PDS5B: variants seen among roughly 807,000 people sequenced by gnomAD.
PDS5B encodes the protein sister chromatid cohesion protein PDS5 homolog B.
A neutral mutation model predicts 184.1 loss-of-function variants in PDS5B; 51 were observed. The observed-to-expected ratio is 0.28, with a 90% CI of 0.22 to 0.35. The LOEUF (loss-of-function observed/expected upper bound fraction) is 0.35, where lower values mean the gene tolerates loss of function less well. Ranked by LOEUF, PDS5B falls within the 10% of genes least tolerant of loss-of-function variation. The pLI, the probability that PDS5B is intolerant of heterozygous loss-of-function variation, is 1.00. For missense variants in PDS5B, 1,180 were observed against 1,723.3 expected, an observed-to-expected ratio of 0.68 and a Z score of 5.58; for synonymous variants, 566 against 569.2, an observed-to-expected ratio of 0.99 and a Z score of 0.08.
Position 32,775,737 on chromosome 13 carries a change from C to G in PDS5B, c.*685C>G. The G allele has an allele frequency of 2.4e-6, 1 of 423,814 alleles. No individual in the cohort carries two copies. The highest frequency in any genetic ancestry group is 7.4e-5 in the East Asian group (1 of 13,482). The allele number at this position is 423,814 out of a possible 1,614,324, so 26.3% of individuals were successfully genotyped here. A position where few individuals can be genotyped will look rare whatever the true frequency, so the allele number is the denominator to read the frequency against. ...TTTACACCTCAGTATTGATTTGTCC[C>G]AGAATTTTCTGGCCTTTCATGGCAA... On this transcript the variant is annotated 3_prime_UTR_variant, in exon 35 of 35. Coordinates refer to ENST00000315596, the MANE Select transcript of PDS5B (RefSeq NM_015032.4).
At chr13:32,698,910 G>T (rs80335320) in intron 15 of PDS5B, among the ~76,000 whole-genome samples, 11,311 of 152,020 alleles carry the variant, frequency 0.074, 516 homozygotes, top group East Asian at 0.19. Context: ...CTGCCACCAC[G>T]CCAGGCTAAT....
rs748682438 is a variant in PDS5B, at chr13:32,688,488, T to C, written c.1388T>C (p.Met463Thr). The C allele has an allele frequency of 6.2e-7, 1 of 1,606,732 alleles. No homozygotes were observed. Among genetic ancestry groups the C allele is most frequent in the Non-Finnish European group, 8.5e-7 (1 of 1,174,432 alleles). Reference protein sequence around the residue: ...LLVERIFAQYMVPHNLETTER... With the variant: ...LLVERIFAQYTVPHNLETTER... ...GTTGAACGGATCTTTGCTCAATACA[T>C]GGTTCCTCACAATTTAGAAACTACA... is the stretch of plus-strand genomic sequence containing the variant. Residue 463 changes from methionine to threonine, a missense_variant, in exon 13 of 35, where the codon ATG becomes ACG. Coordinates refer to ENST00000315596, the MANE Select transcript of PDS5B (RefSeq NM_015032.4).
At chr13:32,654,757 C>G (rs1425474897) in intron 3 of PDS5B, among the ~76,000 whole-genome samples, 1 of 152,106 alleles carries the variant, frequency 6.6e-6, no homozygotes, top group Non-Finnish European at 1.5e-5. Flanking sequence ...ATGTTTAGCT[C>G]CTGGTGATAA....
chr13:32,708,660 T>G (rs1952107116), intron 18 of PDS5B, among the ~76,000 whole-genome samples: 2 of 152,202 alleles, frequency 1.3e-5, no homozygotes, highest in Admixed American at 1.3e-4. Flanking sequence ...GCGAATCTGA[T>G]AAGCAAAAAT....
chr13:32,699,987 T>TG, intron 16 of PDS5B, 118 bp downstream of exon 16: 1 of 946,086 alleles, frequency 1.1e-6, no homozygotes, highest in African/African-American at 1.7e-5. Context: ...CACATAAAAA[T>TG]GCAGATAAAC....
rs2058607106 is a variant in PDS5B, at chr13:32,638,730, G to A, written c.-19-10024G>A. Among the ~76,000 whole-genome samples, 3 of 152,204 alleles carry A rather than the reference G, an allele frequency of 2.0e-5. No homozygotes were observed. The South Asian group carries it at 6.2e-4, about 32-fold the overall frequency. ...TAACTAATCAAGTAAAAGTCTTTGA[G>A]TAGAGGATGGGATTTTGTGTGCTTA... On this transcript the variant is annotated intron_variant, in intron 1 of 34. Transcript: ENST00000315596.
chr13:32,694,900 C>T (rs1468629151), intron 14 of PDS5B, among the ~76,000 whole-genome samples: 3 of 150,212 alleles, frequency 2.0e-5, no homozygotes, highest in Non-Finnish European at 4.4e-5. Context: ...CATAATTCAT[C>T]TAAAAAGCAG....
At chr13:32,645,759 T>C (rs1228922289) in intron 1 of PDS5B, among the ~76,000 whole-genome samples, 3 of 152,234 alleles carry the variant, frequency 2.0e-5, no homozygotes, top group Non-Finnish European at 4.4e-5. Flanking sequence ...GTAAAACTTA[T>C]GTCTTTAGCT....
intron 1 of PDS5B, among the ~76,000 whole-genome samples, chr13:32,590,023 A>G (rs991066115): frequency 3.3e-5 from 5 of 152,200 alleles, no homozygotes; most frequent in African/African-American, 1.2e-4. Flanking sequence ...GCACAGTGAA[A>G]AAATCATGAT....
At chr13:32,633,938 C>CA (rs2058497968) in intron 1 of PDS5B, among the ~76,000 whole-genome samples, 1 of 152,160 alleles carries the variant, frequency 6.6e-6, no homozygotes, top group South Asian at 2.1e-4. Context: ...TAAAGAGCTA[C>CA]ATTGTAATGT....
At chr13:32,629,096 T>G (rs1229308488) in intron 1 of PDS5B, among the ~76,000 whole-genome samples, 1 of 152,142 alleles carries the variant, frequency 6.6e-6, no homozygotes, top group Non-Finnish European at 1.5e-5. Flanking sequence ...TGAACTTTCT[T>G]GACAAGAGAA....
intron 6 of PDS5B, among the ~76,000 whole-genome samples, chr13:32,664,391 G>T (rs1202899486): frequency 6.6e-6 from 1 of 152,202 alleles, no homozygotes; most frequent in Non-Finnish European, 1.5e-5. Flanking sequence ...TAACAAAGAT[G>T]TGAGGTACTT....
At chr13:32,688,765 A>G (rs1951465770) in intron 13 of PDS5B, 196 bp downstream of exon 13, 2 of 484,710 alleles carry the variant, frequency 4.1e-6, no homozygotes, top group South Asian at 3.1e-5. Flanking sequence ...ATTACAAGCA[A>G]TTGAAAAATA....
intron 20 of PDS5B, among the ~76,000 whole-genome samples, chr13:32,733,267 C>T (rs1953188225): frequency 6.6e-6 from 1 of 152,122 alleles, no homozygotes; most frequent in South Asian, 2.1e-4. Flanking sequence ...ACAAGAACCT[C>T]TGTAGTCCTC....
At chr13:32,690,694 T>G (rs1307962255) in intron 13 of PDS5B, 1 of 152,156 alleles carries the variant, frequency 6.6e-6, no homozygotes, top group Non-Finnish European at 1.5e-5. Flanking sequence ...TAAGTATATT[T>G]GATTGAATTC....
At chr13:32,664,997 T>G (rs537945314) in intron 6 of PDS5B, among the ~76,000 whole-genome samples, 1 of 152,296 alleles carries the variant, frequency 6.6e-6, no homozygotes, top group East Asian at 1.9e-4. Flanking sequence ...AGGGACCTAA[T>G]CTTGACATTA....
intron 19 of PDS5B, among the ~76,000 whole-genome samples, chr13:32,711,074 C>T (rs1952189608): frequency 6.6e-6 from 1 of 151,680 alleles, no homozygotes; most frequent in South Asian, 2.1e-4. Flanking sequence ...CTCACTGCAA[C>T]CTTCACCTCC....
chr13:32,704,120 A>G (rs1055157885), intron 17 of PDS5B, among the ~76,000 whole-genome samples: 3 of 151,224 alleles, frequency 2.0e-5, no homozygotes, highest in Non-Finnish European at 2.9e-5. Context: ...GCTTTTTTAC[A>G]TTTACATCTG....
In PDS5B at chr13:32,692,412, A is replaced by T. The variant is rs1566334781; in HGVS notation, c.1470-1811A>T. Among the ~76,000 whole-genome samples, 9 of 56,268 alleles carry T rather than the reference A, an allele frequency of 1.6e-4. 4 individuals are homozygous for T. The highest frequency in any genetic ancestry group is 2.4e-4 in the Non-Finnish European group (6 of 24,548). 36.9% of individuals were successfully genotyped at this position (56,268 alleles called of 152,430 possible). ...TTATTAAACAAGTTTGCGTCCAAAA[A>T]GCCTTTTTTTTTTTTTTTTTTTTTT... On this transcript the variant is annotated intron_variant, in intron 13 of 34. Transcript: ENST00000315596.
Sources: allele counts gnomAD v4.1 joint callset (sites outside exome capture counted in the v4.1 genomes callset), GRCh38; gene constraint gnomAD v4.1.1; transcripts MANE v1.5; gene names NCBI Gene and HGNC (gene_info 2026-07-23, HGNC 2026-07-21).